The following CACNA1B variants were observed in gnomAD, a reference collection of about 807,000 sequenced individuals.
CACNA1B encodes the protein voltage-dependent N-type calcium channel subunit alpha-1B.
CACNA1B carries 70 observed loss-of-function variants against 247.2 expected under a neutral mutation model. The observed-to-expected ratio is 0.28, with a 90% CI of 0.23 to 0.35. CACNA1B has a LOEUF of 0.35. Ranked by LOEUF, CACNA1B falls within the 10% of genes least tolerant of loss-of-function variation. The pLI is 1.00. For synonymous variants in CACNA1B, 1,231 were observed against 1,294.4 expected (o/e 0.95, Z 1.05); for missense variants, 2,367 against 3,197.4 (o/e 0.74, Z 6.26).
Position 137,957,330 on chromosome 9 carries a change from C to T in CACNA1B, c.1244-268C>T, listed in dbSNP as rs902688809. On this transcript the variant is annotated intron_variant, in intron 9 of 46. Transcript: ENST00000371372. The surrounding 1 kb of genome is among the most constrained non-coding windows in gnomAD (Gnocchi z 4.7). ...TTGCCCCAGATGGACGTTTCCTGGTCTCCCTGGTGGCCAGGCCTCCCCACT... is the reference window on the plus strand; with the variant it reads ...TTGCCCCAGATGGACGTTTCCTGGTTTCCCTGGTGGCCAGGCCTCCCCACT... Among the ~76,000 whole-genome samples the T allele has an allele frequency of 6.6e-6, 1 of 152,236 alleles. No homozygotes were observed. Among genetic ancestry groups the T allele is most frequent in the Non-Finnish European group, 1.5e-5 (1 of 68,040 alleles).
chr9:138,097,037 C>T (rs1296782003), intron 37 of CACNA1B, among the ~76,000 whole-genome samples: 1 of 151,480 alleles, frequency 6.6e-6, no homozygotes, highest in Non-Finnish European at 1.5e-5. Context: ...TTGTGAGACT[C>T]GATGTAGGGT....
At chr9:137,908,408 C>T (rs990861449) in intron 3 of CACNA1B, among the ~76,000 whole-genome samples, 24 of 151,382 alleles carry the variant, frequency 1.6e-4, no homozygotes, top group African/African-American at 5.8e-4. Flanking sequence ...CCCAGCTACT[C>T]GGGAGGCTGA....
rs779267380 is a variant in CACNA1B at position 138,012,625 on chromosome 9, G to A, written c.2161-504G>A. The stretch of plus-strand genomic sequence containing the variant: ...GCTGCATGGGAGGCTGAGGTTAGAG[G>A]ATCACTTAAGCCTGGGAGGTCGAGG... On this transcript the variant is annotated intron_variant, in intron 17 of 46. Transcript: ENST00000371372. The surrounding 1 kb of genome is among the most constrained non-coding windows in gnomAD (Gnocchi z 4.2). Among the ~76,000 whole-genome samples the A allele has an allele frequency of 6.6e-6, 1 of 151,714 alleles. No individual in the cohort carries two copies. The highest frequency in any genetic ancestry group is 1.5e-5 in the Non-Finnish European group (1 of 67,946).
At chr9:137,994,392 A>G (rs1394664638) in intron 15 of CACNA1B, among the ~76,000 whole-genome samples, 2 of 152,270 alleles carry the variant, frequency 1.3e-5, no homozygotes, top group African/African-American at 4.8e-5. Context: ...AAATCGGTAA[A>G]GAGGAAGTCA....
intron 6 of CACNA1B, among the ~76,000 whole-genome samples, chr9:137,929,795 A>C (rs926906476): frequency 2.0e-5 from 3 of 151,796 alleles, no homozygotes; most frequent in Non-Finnish European, 2.9e-5. Context: ...CCAAGACCAC[A>C]GGTGCACACT....
chr9:138,096,665 C>T, intron 37 of CACNA1B, 54 bp downstream of exon 37: 1 of 1,561,822 alleles, frequency 6.4e-7, no homozygotes, highest in Non-Finnish European at 8.7e-7. Flanking sequence ...GCCCATAGAT[C>T]TTGGGATGGG....
rs188651353 is a variant in CACNA1B at position 138,016,431 on chromosome 9, A to C, written c.2267+3196A>C. Among the ~76,000 whole-genome samples, 74 of 152,364 alleles carry C rather than the reference A, an allele frequency of 4.9e-4. 1 individual carries two copies. The highest frequency in any genetic ancestry group is 1.8e-3 in the African/African-American group (74 of 41,584). On this transcript the variant is annotated intron_variant, in intron 18 of 46. Coordinates refer to ENST00000371372, the MANE Select transcript of CACNA1B (RefSeq NM_000718.4). ...CTTGGAAATGGCTGGAGCTGCATCC[A>C]AAAGGAAGGTGGGTTGGCGTGTGGC...
At chr9:137,922,450 A>G (rs1957498412) in intron 6 of CACNA1B, among the ~76,000 whole-genome samples, 1 of 152,260 alleles carries the variant, frequency 6.6e-6, no homozygotes, top group Non-Finnish European at 1.5e-5. Flanking sequence ...CAGCTGGGCC[A>G]GATGTTGCTG....
intron 15 of CACNA1B, among the ~76,000 whole-genome samples, chr9:138,004,503 T>A (rs1384780027): frequency 1.4e-5 from 2 of 138,380 alleles, no homozygotes; most frequent in African/African-American, 5.6e-5. Context: ...TGGGCCAAGA[T>A]CACACCACTG....
At chr9:137,995,122 C>G (rs1396741018) in intron 15 of CACNA1B, among the ~76,000 whole-genome samples, 1 of 151,228 alleles carries the variant, frequency 6.6e-6, no homozygotes, top group Non-Finnish European at 1.5e-5. Flanking sequence ...GCAGAAGAAT[C>G]ACTTAAACTC....
intron 6 of CACNA1B, among the ~76,000 whole-genome samples, chr9:137,934,189 A>G (rs1171512639): frequency 6.6e-6 from 1 of 152,168 alleles, no homozygotes; most frequent in Non-Finnish European, 1.5e-5. Flanking sequence ...ACAGGTTCAC[A>G]GGTGTAGTGG....
intron 6 of CACNA1B, among the ~76,000 whole-genome samples, chr9:137,935,260 C>A (rs994910957): frequency 6.6e-5 from 10 of 152,160 alleles, no homozygotes; most frequent in African/African-American, 1.7e-4. Flanking sequence ...CCATACCCCC[C>A]ACCCCATGAC....
chr9:138,056,330 T>TAC (rs972599771), intron 26 of CACNA1B, among the ~76,000 whole-genome samples: 1 of 152,274 alleles, frequency 6.6e-6, no homozygotes, highest in African/African-American at 2.4e-5. Context: ...AATTGAATGA[T>TAC]ACAATATGTG....
chr9:138,019,896 G>A (rs546821794), intron 18 of CACNA1B, among the ~76,000 whole-genome samples: 216 of 152,036 alleles, frequency 1.4e-3, no homozygotes, highest in Non-Finnish European at 2.8e-3. Context: ...TCAGGAGTTC[G>A]AGACCAGCCT....
intron 20 of CACNA1B, among the ~76,000 whole-genome samples, chr9:138,040,944 CA>C (rs1959112825): frequency 6.6e-6 from 1 of 152,174 alleles, no homozygotes; most frequent in Non-Finnish European, 1.5e-5. Flanking sequence ...AATGAATTAA[CA>C]ACGTTTTCAG....
rs140068697 is a variant in CACNA1B, at chr9:138,052,249, C to CGTGTGTGTGTGTGT, written c.3807+62_3807+75dup. 3.7e-5 allele frequency: 29 copies of CGTGTGTGTGTGTGT among 779,430 alleles called. No homozygotes were observed. Among genetic ancestry groups the CGTGTGTGTGTGTGT allele is most frequent in the South Asian group, 3.3e-4 (21 of 64,204 alleles). The allele number at this position is 779,430 out of a possible 1,614,324, so 48.3% of individuals were successfully genotyped here. On this transcript the variant is annotated intron_variant, in intron 25 of 46. Coordinates refer to ENST00000371372, the MANE Select transcript of CACNA1B (RefSeq NM_000718.4). The surrounding 1 kb of genome is among the most constrained non-coding windows in gnomAD (Gnocchi z 5.1). Reference sequence around the variant, plus strand: ...GTGTGTGTGTGCGTGTGTGTGTGTGCGTGTGTGTGTGTGTATGCATGCAGT... The same window carrying CGTGTGTGTGTGTGT: ...GTGTGTGTGTGCGTGTGTGTGTGTGCGTGTGTGTGTGTGTGTGTGTGTGTGTGTATGCATGCAGT...
rs540136052 is a variant in CACNA1B, at chr9:137,898,210, A to G, written c.531-14970A>G. The stretch of plus-strand genomic sequence containing the variant: ...TCAGCTGAGTTGTTTTTCCAAATAG[A>G]AAAGGTATTATGTTTCTCTGATGCT... On this transcript the variant is annotated intron_variant, in intron 3 of 46. Transcript: ENST00000371372. Among the ~76,000 whole-genome samples the G allele has an allele frequency of 7.0e-4, 106 of 152,322 alleles. 1 individual carries two copies. Among genetic ancestry groups the G allele is most frequent in the African/African-American group, 2.4e-3 (98 of 41,570 alleles).
chr9:138,096,450 C>T, intron 36 of CACNA1B, 34 bp from the exon 37 acceptor site: 13 of 1,605,432 alleles, frequency 8.1e-6, no homozygotes, highest in Non-Finnish European at 1.1e-5. Flanking sequence ...GCTGAGGTCT[C>T]TCTCCGTCAC....
In CACNA1B at chr9:137,986,477, C is replaced by T. The variant is rs200116948; in HGVS notation, c.1834C>T (p.Leu612=). ...GAACTCCATGAAGTCCATCATCAGC[C>T]TGCTCTTCTTGCTCTTCCTGTTCAT... The part of the protein sequence containing the change: ...LLNSMKSIIS[L]LFLLFLFIVV... Residue 612 remains leucine (L), a synonymous_variant, in exon 14 of 47, where the codon CTG becomes TTG. Transcript: ENST00000371372. This position sits in a 1 kb window ranked among gnomAD's most constrained non-coding sequence, Gnocchi z 6.0. 1.9e-6 allele frequency: 3 copies of T among 1,613,778 alleles called. No individual in the cohort carries two copies. The highest frequency in any genetic ancestry group is 1.1e-5 in the South Asian group (1 of 91,074).
Sources: gnomAD v4.1 joint callset for allele counts (sites outside exome capture counted in the v4.1 genomes callset) on GRCh38, gnomAD v4.1.1 for gene constraint, Gnocchi (gnomAD v3.1) non-coding constraint, MANE v1.5 for transcripts, NCBI Gene and HGNC (gene_info 2026-07-23, HGNC 2026-07-21) for gene names.